The following SLCO3A1 variants were observed in gnomAD, a reference collection of about 807,000 sequenced individuals.
SLCO3A1 encodes the protein PGE1 transporter.
SLCO3A1 carries 27 observed loss-of-function variants against 63.1 expected under a neutral mutation model. The observed-to-expected ratio is 0.43, with a 90% confidence interval of 0.32 to 0.59. The LOEUF is 0.59. SLCO3A1 is among the 20% of genes least tolerant of loss of function. The probability of loss-of-function intolerance (pLI) is 0.09; values close to 1 mark genes in which losing one functional copy is unlikely to be tolerated. For missense variants in SLCO3A1, 773 were observed against 945.8 expected (o/e 0.82, Z 2.40); for synonymous variants, 473 against 409.9 (o/e 1.15, Z -1.86).
At chr15:91,880,389 CT>C (rs1429205371) in intron 1 of SLCO3A1, among the ~76,000 whole-genome samples, 1 of 103,778 alleles carries the variant, frequency 9.6e-6, no homozygotes, top group African/African-American at 5.6e-5. Context: ...GCTTCTCTCT[CT>C]CTCTCTCTCT....
chr15:92,073,181 A>G (rs899958945), intron 2 of SLCO3A1, among the ~76,000 whole-genome samples: 1 of 152,260 alleles, frequency 6.6e-6, no homozygotes, highest in South Asian at 2.1e-4. Context: ...CCACAAGACC[A>G]CTTGGCCTCT....
intron 1 of SLCO3A1, among the ~76,000 whole-genome samples, chr15:91,858,621 A>G (rs1896980138): frequency 6.6e-6 from 1 of 152,234 alleles, no homozygotes; most frequent in Non-Finnish European, 1.5e-5. Flanking sequence ...AGGATCGCCA[A>G]GAGGCCTCTC....
Position 92,164,944 on chromosome 15 carries a change from GGC to G in SLCO3A1, c.*1812_*1813del, listed in dbSNP as rs1258414593. On this transcript the variant is annotated 3_prime_UTR_variant, in exon 10 of 10. Transcript: ENST00000318445. ...TGACCTTTGTTCATGTCACATTCCT[GGC>G]GCTGGAAAAAAAACTCAAAGGTTGA... 8 of 981,504 alleles carry G rather than the reference GGC, an allele frequency of 8.2e-6. No individual in the cohort carries two copies. Among genetic ancestry groups the G allele is most frequent in the Non-Finnish European group, 9.7e-6 (8 of 829,000 alleles). 60.8% of individuals were successfully genotyped at this position (981,504 alleles called of 1,614,324 possible).
At chr15:92,002,313 A>G (rs1249056513) in intron 2 of SLCO3A1, among the ~76,000 whole-genome samples, 1 of 152,178 alleles carries the variant, frequency 6.6e-6, no homozygotes, top group African/African-American at 2.4e-5. Flanking sequence ...CCTTGGCCTG[A>G]GAGAGCAAGA....
intron 9 of SLCO3A1, among the ~76,000 whole-genome samples, chr15:92,156,429 T>C (rs2048372722): frequency 6.6e-6 from 1 of 152,176 alleles, no homozygotes; most frequent in South Asian, 2.1e-4. Flanking sequence ...ACATCCAGTA[T>C]TTACCATGGG....
At chr15:92,056,208 C>A (rs942390643) in intron 2 of SLCO3A1, among the ~76,000 whole-genome samples, 1 of 152,118 alleles carries the variant, frequency 6.6e-6, no homozygotes, top group Non-Finnish European at 1.5e-5. Context: ...TCCTTCGTAA[C>A]CACATTTGTT....
intron 2 of SLCO3A1, among the ~76,000 whole-genome samples, chr15:91,971,750 G>T (rs1900881793): frequency 6.6e-6 from 1 of 152,166 alleles, no homozygotes; most frequent in Non-Finnish European, 1.5e-5. Context: ...GTGATGAGTT[G>T]ATGAAAATGT....
rs780216269 is a variant in SLCO3A1, at chr15:91,860,528, G to A, written c.180+6440G>A. Among the ~76,000 whole-genome samples the A allele has an allele frequency of 6.6e-6, 1 of 152,224 alleles. No individual in the cohort carries two copies. The highest frequency in any genetic ancestry group is 1.5e-5 in the Non-Finnish European group (1 of 68,042). ...AGCACCAACAAAAGTCCCTCCCAGGGAGCTGAGGATTTGGAATATTGTGTG... is the reference window on the plus strand; with the variant it reads ...AGCACCAACAAAAGTCCCTCCCAGGAAGCTGAGGATTTGGAATATTGTGTG... On this transcript the variant is annotated intron_variant, in intron 1 of 9. Coordinates refer to ENST00000318445, the MANE Select transcript of SLCO3A1 (RefSeq NM_013272.4). The surrounding 1 kb of genome is among the most constrained non-coding windows in gnomAD (Gnocchi z 5.5).
At chr15:91,995,084 C>G (rs559294742) in intron 2 of SLCO3A1, among the ~76,000 whole-genome samples, 35 of 152,306 alleles carry the variant, frequency 2.3e-4, no homozygotes, top group Admixed American at 4.6e-4. Context: ...GCACAACACT[C>G]TACAGAGTGG....
At chr15:92,103,747 A>C (rs939932753) in intron 3 of SLCO3A1, among the ~76,000 whole-genome samples, 1 of 151,994 alleles carries the variant, frequency 6.6e-6, no homozygotes, top group African/African-American at 2.4e-5. Context: ...ACACAGAGAC[A>C]AAGGGGTAGG....
chr15:92,036,333 G>A (rs28688653), intron 2 of SLCO3A1, among the ~76,000 whole-genome samples: 8,722 of 150,090 alleles, frequency 0.058, 687 homozygotes, highest in African/African-American at 0.18. Context: ...ATTGAATTTG[G>A]TATCTGAAAA....
At chr15:92,009,177 CCT>C (rs1217204683) in intron 2 of SLCO3A1, among the ~76,000 whole-genome samples, 1 of 152,186 alleles carries the variant, frequency 6.6e-6, no homozygotes, top group Non-Finnish European at 1.5e-5. Flanking sequence ...CGAGCCGTCC[CCT>C]GAGTTACAGT....
intron 2 of SLCO3A1, among the ~76,000 whole-genome samples, chr15:91,991,851 G>A (rs1517621): frequency 0.15 from 23,377 of 152,206 alleles, 2,310 homozygotes; most frequent in East Asian, 0.34. Context: ...AATGAAGTGG[G>A]ATTTTATTCA....
At chr15:91,999,117 T>C (rs2046224360) in intron 2 of SLCO3A1, among the ~76,000 whole-genome samples, 2 of 152,084 alleles carry the variant, frequency 1.3e-5, no homozygotes, top group Non-Finnish European at 2.9e-5. Context: ...TCGGCAATAA[T>C]AGACACTGGG....
intron 2 of SLCO3A1, among the ~76,000 whole-genome samples, chr15:92,074,950 G>A (rs1001411287): frequency 4.6e-5 from 7 of 152,210 alleles, no homozygotes; most frequent in African/African-American, 1.7e-4. Context: ...GGGATGGTGA[G>A]ATGCTTGAGA....
rs1277784735 is a variant in SLCO3A1 at position 92,094,989 on chromosome 15, A to G, written c.745+10A>G. Reference sequence around the variant, plus strand: ...GTCTTCATTGACACAAGTAAGGAATATATCTCCATGTCTACCTTCCATCCG... The same window carrying G: ...GTCTTCATTGACACAAGTAAGGAATGTATCTCCATGTCTACCTTCCATCCG... On this transcript the variant is annotated intron_variant, in intron 3 of 9. Transcript: ENST00000318445. The G allele has an allele frequency of 1.2e-5, 19 of 1,545,946 alleles. No individual in the cohort carries two copies. The highest frequency in any genetic ancestry group is 3.4e-4 in the Middle Eastern group (2 of 5,956).
In SLCO3A1 at chr15:91,885,916, G is replaced by T. The variant is rs1356758125; in HGVS notation, c.181-30077G>T. 6.6e-6 allele frequency among the ~76,000 whole-genome samples: 1 copy of T among 152,172 alleles called. No individual in the cohort carries two copies. Among genetic ancestry groups the T allele is most frequent in the Non-Finnish European group, 1.5e-5 (1 of 68,034 alleles). On this transcript the variant is annotated intron_variant, in intron 1 of 9. Coordinates refer to ENST00000318445, the MANE Select transcript of SLCO3A1 (RefSeq NM_013272.4). The surrounding 1 kb of genome is among the most constrained non-coding windows in gnomAD (Gnocchi z 4.7). ...GACTAGGAAGTGCAAAGGCCCTGGG[G>T]TTGAAATATGCTTGATGTGGTCGGG... is the stretch of plus-strand genomic sequence containing the variant.
chr15:92,132,564 G>A (rs2048008925), intron 7 of SLCO3A1, among the ~76,000 whole-genome samples: 1 of 143,414 alleles, frequency 7.0e-6, no homozygotes, highest in South Asian at 2.2e-4. Context: ...ATGTTAGTAT[G>A]CTGTGGACTG....
At chr15:92,124,712 A>T (rs2047901145) in intron 5 of SLCO3A1, among the ~76,000 whole-genome samples, 1 of 152,196 alleles carries the variant, frequency 6.6e-6, no homozygotes, top group Admixed American at 6.5e-5. Context: ...GAGCTGAGAG[A>T]GCCATGAAAA....
Sources: gnomAD v4.1 joint callset for allele counts (sites outside exome capture counted in the v4.1 genomes callset) on GRCh38, gnomAD v4.1.1 for gene constraint, Gnocchi (gnomAD v3.1) non-coding constraint, MANE v1.5 for transcripts, NCBI Gene and HGNC (gene_info 2026-07-23, HGNC 2026-07-21) for gene names.